GRIN2A: variants seen among roughly 807,000 people sequenced by gnomAD.
The protein encoded by GRIN2A is glutamate ionotropic receptor NMDA type subunit 2A.
Under a neutral mutation model 113.4 loss-of-function variants are expected in GRIN2A, and 22 were observed. The observed-to-expected ratio is 0.19, with a 90% CI of 0.14 to 0.28. GRIN2A has a LOEUF of 0.28. Among genes scored for constraint, GRIN2A ranks in the 10% least tolerant of loss-of-function variants. The pLI is 1.00. For synonymous variants in GRIN2A, 827 were observed against 738.4 expected (o/e 1.12, Z -1.94); for missense variants, 1,502 against 1,887.0 (o/e 0.80, Z 3.78).
intron 2 of GRIN2A, among the ~76,000 whole-genome samples, chr16:10,107,723 G>A (rs933258505): frequency 1.3e-5 from 2 of 152,226 alleles, no homozygotes; most frequent in Admixed American, 6.5e-5. Flanking sequence ...CCTGAGACAA[G>A]CAAGGGCCAG....
chr16:9,898,749 A>G (rs2043856900), intron 3 of GRIN2A, among the ~76,000 whole-genome samples: 2 of 146,178 alleles, frequency 1.4e-5, no homozygotes, highest in Admixed American at 1.4e-4. Flanking sequence ...GTTTTCTTTA[A>G]CCTCTTTTCA....
chr16:9,781,649 C>T (rs1355533445), intron 11 of GRIN2A, among the ~76,000 whole-genome samples: 5 of 152,174 alleles, frequency 3.3e-5, no homozygotes, highest in Non-Finnish European at 5.9e-5. Flanking sequence ...GTATGAGTCA[C>T]TGCACCCAGG....
In GRIN2A at chr16:9,938,540, A is replaced by C. The variant is rs367543125; in HGVS notation, c.426T>G (p.Ser142=). Residue 142 remains serine, a synonymous_variant, in exon 3 of 13, where the codon TCT becomes TCG. Coordinates refer to ENST00000330684, the MANE Select transcript of GRIN2A (RefSeq NM_001134407.3). ...TGGACGCTCCAAACTGGAAGAAGGT[A>C]GACGTCGGATCCTGCCAGTGAAAAG... The part of the protein sequence containing the change: ...SMIMADKDPT[S]TFFQFGASIQ... The C allele has an allele frequency of 2.5e-6, 4 of 1,604,152 alleles. No homozygotes were observed. The African/African-American group carries it at 5.3e-5, about 21-fold the overall frequency.
chr16:10,072,965 T>TC (rs1210175539), intron 2 of GRIN2A, among the ~76,000 whole-genome samples: 4 of 141,646 alleles, frequency 2.8e-5, no homozygotes, highest in Non-Finnish European at 6.1e-5. Flanking sequence ...TTTTTTTTTT[T>TC]TTGAGACAGA....
intron 2 of GRIN2A, among the ~76,000 whole-genome samples, chr16:9,992,931 T>C (rs2046149099): frequency 6.6e-6 from 1 of 151,976 alleles, no homozygotes; most frequent in African/African-American, 2.4e-5. Context: ...TAAGATAAAA[T>C]AAGGCCGGTG....
chr16:10,149,351 C>T (rs1353474232), intron 2 of GRIN2A, among the ~76,000 whole-genome samples: 2 of 152,126 alleles, frequency 1.3e-5, no homozygotes, highest in Non-Finnish European at 2.9e-5. Flanking sequence ...ATATATACAC[C>T]TACTATGTAT....
chr16:10,012,168 A>G (rs1848669017), intron 2 of GRIN2A, among the ~76,000 whole-genome samples: 1 of 152,244 alleles, frequency 6.6e-6, no homozygotes, highest in African/African-American at 2.4e-5. Flanking sequence ...AGCGAAATGG[A>G]AAAAGTTTTT....
intron 2 of GRIN2A, among the ~76,000 whole-genome samples, chr16:9,949,690 T>C (rs1260131875): frequency 6.7e-6 from 1 of 149,502 alleles, no homozygotes; most frequent in East Asian, 2.0e-4. Context: ...GATGGACAGA[T>C]AAATGGATGG....
chr16:9,816,552 T>G (rs1331284546), intron 10 of GRIN2A, among the ~76,000 whole-genome samples: 6 of 151,916 alleles, frequency 3.9e-5, no homozygotes, highest in Non-Finnish European at 5.9e-5. Context: ...CTCTTCGGAG[T>G]TCTAGGGACG....
chr16:9,781,784 A>G (rs1901951708), intron 11 of GRIN2A, among the ~76,000 whole-genome samples: 1 of 152,216 alleles, frequency 6.6e-6, no homozygotes, highest in African/African-American at 2.4e-5. Context: ...GAAAAAAGAA[A>G]TAGGCATGAA....
chr16:10,109,824 GC>G (rs2048576903), intron 2 of GRIN2A, among the ~76,000 whole-genome samples: 1 of 151,946 alleles, frequency 6.6e-6, no homozygotes, highest in Non-Finnish European at 1.5e-5. Context: ...CACATTGCAT[GC>G]CTGTATTAAA....
chr16:9,755,365 C>T lies in GRIN2A; in HGVS notation c.*7784G>A, dbSNP rs1900310929. ...GCATAGCTCAACATTCCAAGGAGAA[C>T]ATGGTCACGCACTTGTAGACCCAAC... On this transcript the variant is annotated 3_prime_UTR_variant, in exon 13 of 13. Transcript: ENST00000330684. 2 of 186,752 alleles carry T rather than the reference C, an allele frequency of 1.1e-5. No individual in the cohort carries two copies. The highest frequency in any genetic ancestry group is 2.3e-5 in the Non-Finnish European group (2 of 88,448). 11.6% of individuals were successfully genotyped at this position (186,752 alleles called of 1,614,324 possible).
intron 2 of GRIN2A, among the ~76,000 whole-genome samples, chr16:10,055,112 G>A (rs7188431): frequency 0.058 from 3,672 of 63,312 alleles, 14 homozygotes; most frequent in Non-Finnish European, 0.071. Context: ...AAAGAAAAAA[G>A]AAAAAAAAAA....
chr16:9,979,023 T>C lies in GRIN2A; in HGVS notation c.415-40472A>G, dbSNP rs576659211. Among the ~76,000 whole-genome samples, 5 of 152,310 alleles carry C rather than the reference T, an allele frequency of 3.3e-5. No individual in the cohort carries two copies. In the East Asian group the frequency reaches 9.7e-4, roughly 29 times the overall value. On this transcript the variant is annotated intron_variant, in intron 2 of 12. Transcript: ENST00000330684. The stretch of plus-strand genomic sequence containing the variant: ...ACGTTGATTTCAGGAGCATGTGGGA[T>C]CTTGCCTCTCTTACAATGCGGGTCC...
intron 2 of GRIN2A, among the ~76,000 whole-genome samples, chr16:10,131,473 T>TA (rs1441000188): frequency 2.0e-5 from 2 of 101,552 alleles, no homozygotes; most frequent in African/African-American, 5.7e-5. Flanking sequence ...CTTATCCCAT[T>TA]TTTTTTTTTT....
At position 9,758,820 on chromosome 16, in the gene GRIN2A, C is replaced by T; in HGVS notation, c.*4329G>A. The T allele has an allele frequency of 4.7e-6, 1 of 214,652 alleles. No individual in the cohort carries two copies. The highest frequency in any genetic ancestry group is 9.4e-6 in the Non-Finnish European group (1 of 106,348). The allele number at this position is 214,652 out of a possible 1,614,324, so 13.3% of individuals were successfully genotyped here. On this transcript the variant is annotated 3_prime_UTR_variant, in exon 13 of 13. Coordinates refer to ENST00000330684, the MANE Select transcript of GRIN2A (RefSeq NM_001134407.3). ...GTATAGACCCCACAGCACTTTCAAC[C>T]CTGTTCACCAAAAAGAGATGGGGTA... is the stretch of plus-strand genomic sequence containing the variant.
intron 2 of GRIN2A, among the ~76,000 whole-genome samples, chr16:10,177,279 T>C (rs2050167312): frequency 6.6e-6 from 1 of 152,218 alleles, no homozygotes. Flanking sequence ...TACGACCTTT[T>C]AAACCAACTT....
chr16:9,961,232 C>A (rs2045436246), intron 2 of GRIN2A, among the ~76,000 whole-genome samples: 1 of 152,126 alleles, frequency 6.6e-6, no homozygotes, highest in Non-Finnish European at 1.5e-5. Flanking sequence ...CATTCCAAGT[C>A]TGAATCTCTG....
At chr16:9,957,916 C>T (rs2045343314) in intron 2 of GRIN2A, among the ~76,000 whole-genome samples, 1 of 152,120 alleles carries the variant, frequency 6.6e-6, no homozygotes, top group Admixed American at 6.5e-5. Flanking sequence ...AACACTTGGC[C>T]ACTGATATGA....
Sources: gnomAD v4.1 joint callset for allele counts (sites outside exome capture counted in the v4.1 genomes callset) on GRCh38, gnomAD v4.1.1 for gene constraint, MANE v1.5 for transcripts, NCBI Gene and HGNC (gene_info 2026-07-23, HGNC 2026-07-21) for gene names.